The following PDE11A variants were observed in gnomAD, a reference collection of about 807,000 sequenced individuals.
PDE11A encodes dual 3',5'-cyclic-AMP and -GMP phosphodiesterase 11A.
PDE11A carries 100 observed loss-of-function variants against 100.5 expected under a neutral mutation model. The observed-to-expected ratio is 1.00, with a 90% CI of 0.85 to 1.18. The LOEUF is 1.18. Among genes scored for constraint, PDE11A ranks in the 50% most tolerant of loss-of-function variants. The pLI is 0.00. For missense variants in PDE11A, 1,141 were observed against 1,152.6 expected (o/e 0.99, Z 0.15); for synonymous variants, 381 against 420.8 (o/e 0.91, Z 1.16).
intron 1 of PDE11A, among the ~76,000 whole-genome samples, chr2:178,054,399 A>G (rs1341506283): frequency 1.2e-4 from 19 of 152,218 alleles, no homozygotes; most frequent in Admixed American, 1.2e-3. Context: ...AAAACCCTAG[A>G]AGAAAACCTA....
At chr2:178,098,373 A>G (rs1382217068) in intron 2 of PDE11A, among the ~76,000 whole-genome samples, 1 of 152,240 alleles carries the variant, frequency 6.6e-6, no homozygotes, top group Non-Finnish European at 1.5e-5. Context: ...TAAATGTAGA[A>G]CAAACATTAA....
At chr2:177,719,477 T>C (rs867112136) in intron 12 of PDE11A, among the ~76,000 whole-genome samples, 1 of 152,156 alleles carries the variant, frequency 6.6e-6, no homozygotes, top group Non-Finnish European at 1.5e-5. Flanking sequence ...TTGGAGAGTC[T>C]TTCTTCCTCT....
chr2:177,987,217 G>A (rs2085951023), intron 2 of PDE11A, among the ~76,000 whole-genome samples: 1 of 152,096 alleles, frequency 6.6e-6, no homozygotes, highest in Admixed American at 6.6e-5. Context: ...AGAGGCAGAG[G>A]ACTCTCTAAC....
intron 13 of PDE11A, chr2:177,702,825 G>C (rs1208533637): frequency 2.0e-5 from 3 of 152,066 alleles, no homozygotes; most frequent in Admixed American, 2.0e-4. Flanking sequence ...GCTTAGTAAG[G>C]AGGGTATTAG....
upstream of PDE11A, among the ~76,000 whole-genome samples, chr2:178,073,652 T>C (rs1372878519): frequency 6.6e-6 from 1 of 152,208 alleles, no homozygotes; most frequent in African/African-American, 2.4e-5. Flanking sequence ...ATGTTAGCTG[T>C]TGTATTACTT....
At chr2:177,639,635 G>C (rs1296479067) in intron 19 of PDE11A, among the ~76,000 whole-genome samples, 1 of 152,156 alleles carries the variant, frequency 6.6e-6, no homozygotes, top group African/African-American at 2.4e-5. Context: ...TTATTCCTGG[G>C]CCTTTGTTTT....
At chr2:177,819,064 C>G (rs1357064515) in intron 7 of PDE11A, among the ~76,000 whole-genome samples, 2 of 152,028 alleles carry the variant, frequency 1.3e-5, no homozygotes, top group Non-Finnish European at 2.9e-5. Context: ...AAATGTAGGA[C>G]TACGAGATTG....
At chr2:178,032,907 T>C (rs554007211) in intron 1 of PDE11A, among the ~76,000 whole-genome samples, 4 of 151,858 alleles carry the variant, frequency 2.6e-5, no homozygotes, top group Non-Finnish European at 4.4e-5. Flanking sequence ...GCCTCAAAGA[T>C]CAAAGGTAGA....
intron 9 of PDE11A, among the ~76,000 whole-genome samples, chr2:177,799,479 A>G (rs1402295944): frequency 6.6e-6 from 1 of 152,212 alleles, no homozygotes; most frequent in African/African-American, 2.4e-5. Context: ...TTTCTAAAAA[A>G]TGATACCTCA....
At chr2:177,837,575 G>A (rs983159602) in intron 6 of PDE11A, among the ~76,000 whole-genome samples, 2 of 151,676 alleles carry the variant, frequency 1.3e-5, no homozygotes, top group Non-Finnish European at 2.9e-5. Flanking sequence ...CCGGGTTTAC[G>A]GAGAATGAGT....
intron 9 of PDE11A, among the ~76,000 whole-genome samples, chr2:177,798,104 C>A (rs1419926031): frequency 6.6e-6 from 1 of 152,180 alleles, no homozygotes; most frequent in Non-Finnish European, 1.5e-5. Context: ...CTTCAGTTCT[C>A]CCTACTTTTA....
intron 2 of PDE11A, chr2:177,997,658 CTT>C: frequency 6.5e-7 from 1 of 1,532,956 alleles, no homozygotes; most frequent in Non-Finnish European, 9.0e-7. Context: ...ATTTTGAAAT[CTT>C]TGAGTTTTTC....
intron 5 of PDE11A, among the ~76,000 whole-genome samples, chr2:177,859,258 T>G (rs1055762673): frequency 2.6e-5 from 4 of 151,206 alleles, no homozygotes; most frequent in Admixed American, 1.3e-4. Context: ...TAAAATAAAA[T>G]AAATAAACTT....
At chr2:177,746,796 T>G (rs1574101929) in intron 10 of PDE11A, among the ~76,000 whole-genome samples, 1 of 151,676 alleles carries the variant, frequency 6.6e-6, no homozygotes, top group African/African-American at 2.4e-5. Context: ...ACTCTGAGGG[T>G]GAGAGGGGAA....
At chr2:178,102,542 G>C (rs1213965245) in intron 2 of PDE11A, among the ~76,000 whole-genome samples, 1 of 150,814 alleles carries the variant, frequency 6.6e-6, no homozygotes, top group African/African-American at 2.4e-5. Context: ...CCAAAGTACA[G>C]GGATTACAGG....
intron 12 of PDE11A, among the ~76,000 whole-genome samples, chr2:177,722,779 T>C (rs2081549250): frequency 6.6e-6 from 1 of 152,084 alleles, no homozygotes; most frequent in Admixed American, 6.6e-5. Context: ...GATTAAAGAG[T>C]TGGTTATTCT....
chr2:177,666,850 A>G (rs772478367), intron 18 of PDE11A, among the ~76,000 whole-genome samples: 1 of 151,882 alleles, frequency 6.6e-6, no homozygotes, highest in Non-Finnish European at 1.5e-5. Flanking sequence ...GGGAAAATTT[A>G]CTTTCTTGAT....
intron 6 of PDE11A, 53 bp from the exon 7 acceptor site, chr2:177,820,348 GA>G: frequency 9.8e-7 from 1 of 1,016,256 alleles, no homozygotes; most frequent in Non-Finnish European, 1.5e-6. Context: ...ATTCATTTTT[GA>G]TTTACATTTT....
intron 6 of PDE11A, among the ~76,000 whole-genome samples, chr2:177,834,524 G>A (rs1035543296): frequency 1.3e-5 from 2 of 152,194 alleles, no homozygotes; most frequent in Non-Finnish European, 2.9e-5. Context: ...ACAGACAGGT[G>A]AGCAGTGGCT....
Sources: gnomAD v4.1 joint callset for allele counts (sites outside exome capture counted in the v4.1 genomes callset) on GRCh38, gnomAD v4.1.1 for gene constraint, MANE v1.5 for transcripts, NCBI Gene and HGNC (gene_info 2026-07-23, HGNC 2026-07-21) for gene names.